The following SLC37A1 variants were observed in gnomAD, a reference collection of about 807,000 sequenced individuals.
The protein encoded by SLC37A1 is solute carrier family 37 member 1.
A neutral mutation model predicts 75.3 loss-of-function variants in SLC37A1; 49 were observed. The ratio of observed to expected loss-of-function variants is 0.65; its 90% CI spans 0.52 to 0.83. The LOEUF (loss-of-function observed/expected upper bound fraction) is 0.83, where lower values mean the gene tolerates loss of function less well. Ranked by LOEUF, SLC37A1 falls within the 40% of genes least tolerant of loss-of-function variation. The pLI, the probability that SLC37A1 is intolerant of heterozygous loss-of-function variation, is 0.00. For synonymous variants in SLC37A1, 268 were observed against 292.1 expected (o/e 0.92, Z 0.84); for missense variants, 566 against 695.0 (o/e 0.81, Z 2.09).
chr21:42,553,131 C>T (rs2055597071), intron 9 of SLC37A1, among the ~76,000 whole-genome samples: 1 of 152,206 alleles, frequency 6.6e-6, no homozygotes. Context: ...CCCCGTGTTT[C>T]CCGCCTTTTG....
Position 42,564,790 on chromosome 21 carries a change from CA to C in SLC37A1, c.1219del (p.Thr407ArgfsTer48). On this transcript the variant is annotated frameshift_variant and splice_region_variant, in exon 14 of 20. Coordinates refer to ENST00000352133, the MANE Select transcript of SLC37A1 (RefSeq NM_001320537.2). LOFTEE classifies it high-confidence loss of function. ...CGLMLLLAAPTLYIFSTVSKM... is the reference protein window; with the variant it reads ...CGLMLLLAAPXLYIFSTVSKM... Reference sequence around the variant, plus strand: ...GCCTGATGCTGCTGCTCGCGGCCCCCACGGTCAGCCGTGCTGCCTTCCCTGG... The same window carrying C: ...GCCTGATGCTGCTGCTCGCGGCCCCCCGGTCAGCCGTGCTGCCTTCCCTGG... The C allele has an allele frequency of 6.2e-7, 1 of 1,604,370 alleles. No individual in the cohort carries two copies. Among genetic ancestry groups the C allele is most frequent in the Non-Finnish European group, 8.5e-7 (1 of 1,179,882 alleles).
At chr21:42,524,006 G>T (rs1213999372) in intron 2 of SLC37A1, among the ~76,000 whole-genome samples, 1 of 152,100 alleles carries the variant, frequency 6.6e-6, no homozygotes, top group Admixed American at 6.6e-5. Context: ...CTTGTGGAAA[G>T]CTTCCCTCGG....
At chr21:42,516,051 G>A (rs1470774047) in intron 1 of SLC37A1, among the ~76,000 whole-genome samples, 1 of 152,190 alleles carries the variant, frequency 6.6e-6, no homozygotes, top group Non-Finnish European at 1.5e-5. Context: ...GAGCCACCAT[G>A]CCTGGCCTAA....
At chr21:42,559,237 G>A in intron 11 of SLC37A1, 148 bp downstream of exon 11, 1 of 977,570 alleles carries the variant, frequency 1.0e-6, no homozygotes, top group Non-Finnish European at 1.5e-6. Context: ...ACGCTGCACA[G>A]TGCTAGCTTC....
At chr21:42,579,980 T>G (rs1474275592) in intron 19 of SLC37A1, among the ~76,000 whole-genome samples, 180 bp downstream of exon 19, 3 of 152,214 alleles carry the variant, frequency 2.0e-5, no homozygotes, top group Non-Finnish European at 4.4e-5. Context: ...GATGGGTTAG[T>G]GGTAATCTCT....
At chr21:42,543,669 C>A in intron 8 of SLC37A1, 67 bp downstream of exon 8, 1 of 1,495,086 alleles carries the variant, frequency 6.7e-7, no homozygotes, top group Non-Finnish European at 9.0e-7. Flanking sequence ...CTGGGTGGGC[C>A]TTGGGGGCGA....
At chr21:42,513,183 C>A (rs913884438), upstream of SLC37A1, among the ~76,000 whole-genome samples, 2 of 152,218 alleles carry the variant, frequency 1.3e-5, no homozygotes, top group African/African-American at 4.8e-5. Context: ...CAGGCCCCTC[C>A]CTGGGGCTGC....
intron 1 of SLC37A1, among the ~76,000 whole-genome samples, chr21:42,500,434 T>C (rs1490684560): frequency 6.6e-6 from 1 of 152,168 alleles, no homozygotes; most frequent in Non-Finnish European, 1.5e-5. Flanking sequence ...ATCTGTAAAA[T>C]GGGCTGTTGT....
chr21:42,572,810 C>A (rs2056217667), intron 17 of SLC37A1, among the ~76,000 whole-genome samples: 1 of 152,062 alleles, frequency 6.6e-6, no homozygotes. Context: ...CTCCTCCAGG[C>A]TCCCTCCTGC....
intron 13 of SLC37A1, among the ~76,000 whole-genome samples, chr21:42,564,249 G>T (rs60561876): frequency 0.087 from 10,449 of 119,492 alleles, 1,140 homozygotes; most frequent in African/African-American, 0.27. Flanking sequence ...AGCATAGCTG[G>T]GTGTGGTGGC....
chr21:42,538,211 TC>T (rs1437714290), intron 5 of SLC37A1, among the ~76,000 whole-genome samples: 1 of 152,206 alleles, frequency 6.6e-6, no homozygotes, highest in Non-Finnish European at 1.5e-5. Flanking sequence ...CAGGGACCTA[TC>T]TCCTGGTCTC....
At chr21:42,512,671 C>T (rs1040150935), upstream of SLC37A1, among the ~76,000 whole-genome samples, 2 of 152,260 alleles carry the variant, frequency 1.3e-5, no homozygotes, top group African/African-American at 2.4e-5. Context: ...TGGGCCATCC[C>T]GCTTGCGGAA....
intron 14 of SLC37A1, among the ~76,000 whole-genome samples, chr21:42,565,195 C>G (rs1417006793): frequency 6.6e-6 from 1 of 152,274 alleles, no homozygotes; most frequent in Non-Finnish European, 1.5e-5. Context: ...TGTGACACCC[C>G]CCTCTATGCC....
rs988182503 is a variant in SLC37A1, at chr21:42,580,706, G to A, written c.*346G>A. Reference sequence around the variant, plus strand: ...GTGGGGGGGGTGCACAGGTAGCCCCGACCCTCTCAGGCATTCCAGCCACAG... The same window carrying A: ...GTGGGGGGGGTGCACAGGTAGCCCCAACCCTCTCAGGCATTCCAGCCACAG... On this transcript the variant is annotated 3_prime_UTR_variant, in exon 20 of 20. Coordinates refer to ENST00000352133, the MANE Select transcript of SLC37A1 (RefSeq NM_001320537.2). The A allele has an allele frequency of 1.0e-5, 4 of 398,758 alleles. No homozygotes were observed. Among genetic ancestry groups the A allele is most frequent in the Admixed American group, 4.2e-5 (1 of 23,590 alleles). The allele number at this position is 398,758 out of a possible 1,614,324, so 24.7% of individuals were successfully genotyped here.
Position 42,548,396 on chromosome 21 carries a change from A to C in SLC37A1, c.768+1256A>C, listed in dbSNP as rs899589991. Among the ~76,000 whole-genome samples, 6 of 151,680 alleles carry C rather than the reference A, an allele frequency of 4.0e-5. No homozygotes were observed. The highest frequency in any genetic ancestry group is 1.5e-4 in the African/African-American group (6 of 41,246). Reference sequence around the variant, plus strand: ...ACAAGCCGATCCCCCAGCATCCCCCATCTCAGTCAGGAAGCTGCTGTCCAC... The same window carrying C: ...ACAAGCCGATCCCCCAGCATCCCCCCTCTCAGTCAGGAAGCTGCTGTCCAC... On this transcript the variant is annotated intron_variant, in intron 9 of 19. Transcript: ENST00000352133. This position sits in a 1 kb window ranked among gnomAD's most constrained non-coding sequence, Gnocchi z 5.6.
At chr21:42,506,885 C>CT (rs1268911662) in intron 2 of SLC37A1, among the ~76,000 whole-genome samples, 8 of 151,326 alleles carry the variant, frequency 5.3e-5, no homozygotes, top group Non-Finnish European at 1.0e-4. Flanking sequence ...CAATAAGTTG[C>CT]TTTTTTTTTC....
At chr21:42,520,636 T>A (rs2054625880) in intron 2 of SLC37A1, among the ~76,000 whole-genome samples, 1 of 151,804 alleles carries the variant, frequency 6.6e-6, no homozygotes, top group Middle Eastern at 3.4e-3. Context: ...TAGAGAAGGG[T>A]GTGTGTGTGC....
intron 5 of SLC37A1, 100 bp from the exon 6 acceptor site, chr21:42,539,412 A>G (rs2055218273): frequency 1.5e-6 from 2 of 1,362,468 alleles, no homozygotes; most frequent in Non-Finnish European, 1.0e-6. Flanking sequence ...CCCCAAGCTC[A>G]GAGAACAGCA....
At chr21:42,536,006 G>T (rs140114644) in intron 5 of SLC37A1, among the ~76,000 whole-genome samples, 2 of 152,372 alleles carry the variant, frequency 1.3e-5, no homozygotes, top group Non-Finnish European at 2.9e-5. Context: ...GTGCTGAACA[G>T]CTCTACCTGG....
Sources: allele counts gnomAD v4.1 joint callset (sites outside exome capture counted in the v4.1 genomes callset), GRCh38; gene constraint gnomAD v4.1.1; non-coding constraint Gnocchi (gnomAD v3.1); transcripts MANE v1.5; gene names NCBI Gene and HGNC (gene_info 2026-07-23, HGNC 2026-07-21).